Variants in ROS1 observed in about 807,000 individuals in gnomAD.
ROS1 encodes ROS proto-oncogene 1, receptor tyrosine kinase.
ROS1 carries 263 observed loss-of-function variants against 273.5 expected under a neutral mutation model. That is an observed-to-expected ratio of 0.96 (90% CI 0.87 to 1.06). The LOEUF is 1.06. Among genes scored for constraint, ROS1 ranks in the 50% least tolerant of loss-of-function variants. The probability of loss-of-function intolerance (pLI) is 0.00; values close to 1 mark genes in which losing one functional copy is unlikely to be tolerated. For missense variants in ROS1, 2,833 were observed against 2,751.1 expected (o/e 1.03, Z -0.67); for synonymous variants, 1,008 against 954.1 (o/e 1.06, Z -1.04).
rs552001477 is a variant in ROS1 at position 117,289,427 on chromosome 6, TG to T, written c.6716-626del. Among the ~76,000 whole-genome samples the T allele has an allele frequency of 1.5e-3, 235 of 152,328 alleles. 1 individual carries two copies. Among genetic ancestry groups the T allele is most frequent in the Admixed American group, 0.013 (204 of 15,296 alleles). ...TTTTTAATGAACTTCAATTGAAATA[TG>T]AGGAAAATACCATAATTTCAAAAGA... On this transcript the variant is annotated intron_variant, in intron 43 of 43. Coordinates refer to ENST00000368507, the MANE Select transcript of ROS1 (RefSeq NM_001378902.1).
intron 21 of ROS1, among the ~76,000 whole-genome samples, chr6:117,364,270 A>G (rs1458744791): frequency 6.6e-6 from 1 of 152,236 alleles, no homozygotes; most frequent in Non-Finnish European, 1.5e-5. Flanking sequence ...ATGGATATCT[A>G]TATTTATTAA....
chr6:117,392,639 C>T (rs1308442956), intron 12 of ROS1, among the ~76,000 whole-genome samples: 1 of 152,164 alleles, frequency 6.6e-6, no homozygotes, highest in Non-Finnish European at 1.5e-5. Context: ...TGGTCATAGA[C>T]ATGATATTAC....
At chr6:117,416,387 A>G (rs757574698) in intron 2 of ROS1, 70 bp from the exon 3 acceptor site, 3 of 990,688 alleles carry the variant, frequency 3.0e-6, no homozygotes, top group Non-Finnish European at 3.3e-6. Flanking sequence ...ACCTGAAAGT[A>G]CAATGTAGTA....
In ROS1 at chr6:117,359,850, A is replaced by T. The variant is rs1779639321; in HGVS notation, c.3592T>A (p.Ser1198Thr). Residue 1198 changes from serine to threonine, a missense_variant, in exon 24 of 44, where the codon TCA becomes ACA. Ser to Thr is a moderately conservative substitution (Grantham distance 58). Transcript: ENST00000368507. Reference sequence around the variant, plus strand: ...TTGTGCAAGTGCAGAAGAAAGAGTGAGTCCCCTTCAGCATAATATCCCATC... The same window carrying T: ...TTGTGCAAGTGCAGAAGAAAGAGTGTGTCCCCTTCAGCATAATATCCCATC... ...NEMGYYAEGDSLFLLHLHNRS... is the reference protein window; with the variant it reads ...NEMGYYAEGDTLFLLHLHNRS... 6.2e-7 allele frequency: 1 copy of T among 1,613,984 alleles called. No homozygotes were observed. The highest frequency in any genetic ancestry group is 1.1e-5 in the South Asian group (1 of 91,082).
intron 18 of ROS1, among the ~76,000 whole-genome samples, chr6:117,374,279 G>A (rs1374739679): frequency 1.3e-5 from 2 of 152,164 alleles, no homozygotes; most frequent in Non-Finnish European, 2.9e-5. Flanking sequence ...TATGGTACTT[G>A]TATAAAAATA....
rs903558971 is a variant in ROS1 at position 117,292,969 on chromosome 6, A to T, written c.6716-4167T>A. ...ACCCTCCAATTTTATCACTTGCCAC[A>T]TTCTCATGTATAATAAACAAAGTGC... On this transcript the variant is annotated intron_variant, in intron 43 of 43. Coordinates refer to ENST00000368507, the MANE Select transcript of ROS1 (RefSeq NM_001378902.1). 3.3e-5 allele frequency among the ~76,000 whole-genome samples: 5 copies of T among 152,172 alleles called. No individual in the cohort carries two copies. The South Asian group carries it at 1.0e-3, about 32-fold the overall frequency.
rs751339761 is a variant in ROS1 at position 117,385,763 on chromosome 6, G to A, written c.2209C>T (p.Leu737=). 6.2e-7 allele frequency: 1 copy of A among 1,614,158 alleles called. No homozygotes were observed. The highest frequency in any genetic ancestry group is 8.5e-7 in the Non-Finnish European group (1 of 1,180,016). Residue 737 remains leucine, a synonymous_variant, in exon 16 of 44, where the codon CTA becomes TTA. Transcript: ENST00000368507. The part of the protein sequence containing the change: ...NGTDISENYH[L]PSIAGAGALA... ...GCCCCTGCTCCTGCAATGCTGGGTA[G>A]GTGATAATTCTCTGAGATATCCGTC...
intron 31 of ROS1, among the ~76,000 whole-genome samples, chr6:117,338,878 G>T (rs1777681830): frequency 6.6e-6 from 1 of 152,084 alleles, no homozygotes; most frequent in Non-Finnish European, 1.5e-5. Context: ...TATGTGGGTG[G>T]GAGTGAGGGG....
intron 35 of ROS1, among the ~76,000 whole-genome samples, chr6:117,322,131 A>C (rs1230215909): frequency 2.6e-5 from 4 of 152,154 alleles, no homozygotes; most frequent in African/African-American, 9.7e-5. Context: ...ATGATCATTA[A>C]AATTTGAACT....
At position 117,404,411 on chromosome 6, in the gene ROS1, T is replaced by G. The variant is rs771267442; in HGVS notation, c.334A>C (p.Thr112Pro). The G allele has an allele frequency of 5.0e-6, 8 of 1,613,532 alleles. No homozygotes were observed. In the African/African-American group the frequency reaches 1.1e-4, roughly 22 times the overall value. The change falls in exon 6 of 44, where the codon ACT becomes CCT. Residue 112 changes from threonine to proline, a missense_variant. By Grantham distance (38) the Thr-to-Pro change is conservative. Coordinates refer to ENST00000368507, the MANE Select transcript of ROS1 (RefSeq NM_001378902.1). ...CCAATGGAAGAAGCAAAGGGAGCAG[T>G]TGGTAGGTCTGCATTTTCTGGGGAA... ...EEVLENADLPTAPFASSIGSH... is the reference protein window; with the variant it reads ...EEVLENADLPPAPFASSIGSH...
In ROS1 at chr6:117,321,829, A is replaced by ATTTT. The variant is rs11451804; in HGVS notation, c.5624-439_5624-436dup. On this transcript the variant is annotated intron_variant, in intron 35 of 43. Coordinates refer to ENST00000368507, the MANE Select transcript of ROS1 (RefSeq NM_001378902.1). ...AGAAAATGCTTTCAGTATAATGGCAATTTTTTTTTTTTTTTTTTTTGCAGA... is the reference window on the plus strand; with the variant it reads ...AGAAAATGCTTTCAGTATAATGGCAATTTTTTTTTTTTTTTTTTTTTTTTGCAGA... 1.8e-4 allele frequency among the ~76,000 whole-genome samples: 22 copies of ATTTT among 122,990 alleles called. 1 individual carries two copies. The highest frequency in any genetic ancestry group is 2.1e-4 in the African/African-American group (7 of 32,706). The allele number at this position is 122,990 out of a possible 152,430, so 80.7% of individuals were successfully genotyped here.
intron 24 of ROS1, 51 bp downstream of exon 24, chr6:117,359,758 T>C (rs1157716813): frequency 1.2e-5 from 17 of 1,446,910 alleles, no homozygotes; most frequent in Non-Finnish European, 1.7e-5. Flanking sequence ...AGTAGTGTCA[T>C]ATGCAAATAC....
chr6:117,361,462 T>C (rs1779795599), intron 22 of ROS1, among the ~76,000 whole-genome samples: 1 of 149,522 alleles, frequency 6.7e-6, no homozygotes, highest in South Asian at 2.1e-4. Flanking sequence ...TGTACAAAAC[T>C]GTGTTAAATG....
intron 43 of ROS1, among the ~76,000 whole-genome samples, chr6:117,295,640 T>C (rs374854216): frequency 6.6e-6 from 1 of 152,034 alleles, no homozygotes; most frequent in Admixed American, 6.6e-5. Context: ...AATAACTCGA[T>C]AGGAAAAAAG....
At chr6:117,369,962 CAT>C (rs1562326108) in intron 18 of ROS1, among the ~76,000 whole-genome samples, 1 of 151,824 alleles carries the variant, frequency 6.6e-6, no homozygotes, top group Non-Finnish European at 1.5e-5. Context: ...TGCATATACA[CAT>C]ATGTATATAC....
intron 18 of ROS1, among the ~76,000 whole-genome samples, chr6:117,366,711 C>T (rs1387161639): frequency 6.6e-6 from 1 of 152,122 alleles, no homozygotes; most frequent in African/African-American, 2.4e-5. Context: ...GTCAGGGTTT[C>T]ACATGTTGGC....
chr6:117,288,672 A>G lies in ROS1; in HGVS notation c.6846T>C (p.Ser2282=). Residue 2282 remains serine, a synonymous_variant, in exon 44 of 44, where the codon TCT becomes TCC. Coordinates refer to ENST00000368507, the MANE Select transcript of ROS1 (RefSeq NM_001378902.1). ...ATECGQGEEK[S]EGPLGSQESE... is the part of the protein sequence containing the mutation. ...ATTCCTGGGAGCCTAGAGGACCCTC[A>G]GACTTTTCTTCACCTTGGCCACATT... The G allele has an allele frequency of 1.2e-6, 2 of 1,614,148 alleles. No individual in the cohort carries two copies. Among genetic ancestry groups the G allele is most frequent in the Non-Finnish European group, 1.7e-6 (2 of 1,180,024 alleles).
At chr6:117,359,501 C>T (rs890078472) in intron 24 of ROS1, among the ~76,000 whole-genome samples, 4 of 152,154 alleles carry the variant, frequency 2.6e-5, no homozygotes, top group African/African-American at 9.6e-5. Flanking sequence ...CTAGGCAATA[C>T]TGCCTTCCTA....
rs779006477 is a variant in ROS1, at chr6:117,385,786, G to A, written c.2186C>T (p.Thr729Met). The change falls in exon 16 of 44, where the codon ACG becomes ATG. Residue 729 changes from threonine to methionine, a missense_variant. Thr to Met is a moderately conservative substitution (Grantham distance 81). Coordinates refer to ENST00000368507, the MANE Select transcript of ROS1 (RefSeq NM_001378902.1). ...GDVFVWLLNG[T>M]DISENYHLPS... ...TAGGTGATAATTCTCTGAGATATCCGTCCCATTCAGCAGCCACACAAAAAC... is the reference window on the plus strand; with the variant it reads ...TAGGTGATAATTCTCTGAGATATCCATCCCATTCAGCAGCCACACAAAAAC... 28 of 1,613,964 alleles carry A rather than the reference G, an allele frequency of 1.7e-5. No individual in the cohort carries two copies. Among genetic ancestry groups the A allele is most frequent in the Middle Eastern group, 1.6e-4 (1 of 6,084 alleles).
Sources: allele counts gnomAD v4.1 joint callset (sites outside exome capture counted in the v4.1 genomes callset), GRCh38; gene constraint gnomAD v4.1.1; transcripts MANE v1.5; gene names NCBI Gene and HGNC (gene_info 2026-07-23, HGNC 2026-07-21).